Variants in HEPHL1 observed in about 807,000 individuals in gnomAD.
HEPHL1 encodes ferroxidase HEPHL1.
Under a neutral mutation model 122.0 loss-of-function variants are expected in HEPHL1, and 123 were observed. The observed-to-expected ratio is 1.01, with a 90% CI of 0.87 to 1.17. The LOEUF is 1.17. Among genes scored for constraint, HEPHL1 ranks in the 50% most tolerant of loss-of-function variants. The pLI, the probability that HEPHL1 is intolerant of heterozygous loss-of-function variation, is 0.00. For synonymous variants in HEPHL1, 527 were observed against 508.9 expected (o/e 1.04, Z -0.48); for missense variants, 1,452 against 1,430.5 (o/e 1.01, Z -0.24).
At chr11:94,023,393 C>T (rs1203514020) in intron 1 of HEPHL1, among the ~76,000 whole-genome samples, 1 of 152,174 alleles carries the variant, frequency 6.6e-6, no homozygotes, top group Admixed American at 6.5e-5. Context: ...AGTGACCAAA[C>T]AAGTTATCTG....
chr11:94,094,635 T>C (rs1946294853), intron 13 of HEPHL1, among the ~76,000 whole-genome samples: 2 of 152,222 alleles, frequency 1.3e-5, no homozygotes, highest in African/African-American at 4.8e-5. Flanking sequence ...AGTGTTCCTA[T>C]TTCTCCACAT....
chr11:94,068,233 G>C (rs1396716571), intron 5 of HEPHL1, among the ~76,000 whole-genome samples: 1 of 152,162 alleles, frequency 6.6e-6, no homozygotes, highest in African/African-American at 2.4e-5. Flanking sequence ...TTCTTTTTGA[G>C]CAACTGTAAG....
intron 1 of HEPHL1, among the ~76,000 whole-genome samples, chr11:94,044,488 A>G (rs746546335): frequency 2.3e-4 from 35 of 152,148 alleles, no homozygotes; most frequent in Middle Eastern, 3.2e-3. Flanking sequence ...CAGTGCTTCC[A>G]AGATAAATTT....
Position 94,075,344 on chromosome 11 carries a change from C to T in HEPHL1, c.1675C>T (p.Leu559=), listed in dbSNP as rs1403473275. Residue 559 remains leucine, a synonymous_variant, in exon 9 of 20, where the codon CTA becomes TTA. Transcript: ENST00000315765. Reference sequence around the variant, plus strand: ...CAGCTCTGGCCTGGTAGGGCCTTTGCTAGTCTGTAAAAAGGGCGTCCTCAA... The same window carrying T: ...CAGCTCTGGCCTGGTAGGGCCTTTGTTAGTCTGTAAAAAGGGCGTCCTCAA... The part of the protein sequence containing the change: ...DTSSGLVGPL[L]VCKKGVLNAD... The T allele has an allele frequency of 6.2e-7, 1 of 1,613,310 alleles. No individual in the cohort carries two copies. The highest frequency in any genetic ancestry group is 8.5e-7 in the Non-Finnish European group (1 of 1,179,586).
Position 94,067,532 on chromosome 11 carries a change from C to A in HEPHL1, c.845C>A (p.Pro282His). The part of the protein sequence containing the change: ...NGYLFGNFPE[P>H]DMCVGESVSW... ...TACCTCTTCGGAAACTTCCCGGAGCCTGATATGTGTGTTGGAGAATCTGTG... is the reference window on the plus strand; with the variant it reads ...TACCTCTTCGGAAACTTCCCGGAGCATGATATGTGTGTTGGAGAATCTGTG... The change falls in exon 5 of 20, where the codon CCT (proline) becomes CAT (histidine). Residue 282 changes from proline to histidine, a missense_variant. Coordinates refer to ENST00000315765, the MANE Select transcript of HEPHL1 (RefSeq NM_001098672.2). 2 of 1,613,610 alleles carry A rather than the reference C, an allele frequency of 1.2e-6. No homozygotes were observed. The highest frequency in any genetic ancestry group is 1.7e-6 in the Non-Finnish European group (2 of 1,179,656).
intron 13 of HEPHL1, among the ~76,000 whole-genome samples, chr11:94,099,833 T>C (rs1322808693): frequency 1.3e-5 from 2 of 152,226 alleles, no homozygotes; most frequent in African/African-American, 4.8e-5. Context: ...TATAATCTCC[T>C]GGTGTGCCGT....
intron 13 of HEPHL1, among the ~76,000 whole-genome samples, chr11:94,095,941 A>C (rs955244525): frequency 6.6e-6 from 1 of 152,104 alleles, no homozygotes; most frequent in Non-Finnish European, 1.5e-5. Context: ...GGGTTTTCTA[A>C]ATATACAACC....
intron 12 of HEPHL1, among the ~76,000 whole-genome samples, chr11:94,090,374 TA>T (rs1946256090): frequency 6.6e-6 from 1 of 152,186 alleles, no homozygotes; most frequent in Non-Finnish European, 1.5e-5. Flanking sequence ...CATGAATGTA[TA>T]AAAATATAGC....
chr11:94,083,080 G>A (rs1225089158), intron 10 of HEPHL1, among the ~76,000 whole-genome samples: 5 of 98,076 alleles, frequency 5.1e-5, no homozygotes, highest in Non-Finnish European at 1.0e-4. Context: ...GTGAGACTCC[G>A]TCTAAAAAAA....
At position 94,070,640 on chromosome 11, in the gene HEPHL1, G is replaced by T. The variant is rs572667011; in HGVS notation, c.1232+98G>T. ...TTTGTATTCCAACCACTGCTCTGAT[G>T]AGCTTATACTGCATAGATGGCATAA... On this transcript the variant is annotated intron_variant, in intron 6 of 19. Coordinates refer to ENST00000315765, the MANE Select transcript of HEPHL1 (RefSeq NM_001098672.2). 19 of 981,822 alleles carry T rather than the reference G, an allele frequency of 1.9e-5. 1 individual carries two copies. The East Asian group carries it at 4.7e-4, about 24-fold the overall frequency. 60.8% of individuals were successfully genotyped at this position (981,822 alleles called of 1,614,324 possible).
chr11:94,090,791 G>A (rs1380632733), intron 12 of HEPHL1, among the ~76,000 whole-genome samples: 1 of 152,144 alleles, frequency 6.6e-6, no homozygotes, highest in African/African-American at 2.4e-5. Context: ...AGCCCATCTG[G>A]TTTTTGAACC....
At chr11:94,090,851 A>G (rs1946259519) in intron 12 of HEPHL1, among the ~76,000 whole-genome samples, 1 of 152,170 alleles carries the variant, frequency 6.6e-6, no homozygotes, top group Non-Finnish European at 1.5e-5. Context: ...TGGTCAGCAC[A>G]GGCCCTCTGC....
At position 94,042,875 on chromosome 11, in the gene HEPHL1, TA is replaced by T. The variant is rs58966846; in HGVS notation, c.171-2780del. 1.1e-3 allele frequency among the ~76,000 whole-genome samples: 72 copies of T among 63,186 alleles called. 3 individuals are homozygous for T. The highest frequency in any genetic ancestry group is 8.3e-3 in the Middle Eastern group (1 of 120). The allele number at this position is 63,186 out of a possible 152,430, so 41.5% of individuals were successfully genotyped here. A position where few individuals can be genotyped will look rare whatever the true frequency, so the allele number is the denominator to read the frequency against. On this transcript the variant is annotated intron_variant, in intron 1 of 19. Coordinates refer to ENST00000315765, the MANE Select transcript of HEPHL1 (RefSeq NM_001098672.2). ...ATGTACCCTAAAACTTAAAGTATAA[TA>T]AAAAAAAAAAAAAAAAACTGCATGA...
chr11:94,106,436 G>C (rs1334722265), intron 17 of HEPHL1, among the ~76,000 whole-genome samples: 1 of 151,892 alleles, frequency 6.6e-6, no homozygotes, highest in Non-Finnish European at 1.5e-5. Context: ...GGGACTACAG[G>C]TGTGTCCCAC....
intron 17 of HEPHL1, among the ~76,000 whole-genome samples, chr11:94,110,079 C>T (rs187198904): frequency 6.6e-6 from 1 of 152,228 alleles, no homozygotes; most frequent in East Asian, 1.9e-4. Flanking sequence ...GGGATTTGTT[C>T]ATACCATCTA....
intron 6 of HEPHL1, among the ~76,000 whole-genome samples, chr11:94,071,255 T>C (rs1265821874): frequency 6.6e-6 from 1 of 152,172 alleles, no homozygotes; most frequent in Non-Finnish European, 1.5e-5. Flanking sequence ...TCAAGAATCC[T>C]TTTTTATATT....
At chr11:94,094,917 T>G (rs1410686542) in intron 13 of HEPHL1, among the ~76,000 whole-genome samples, 1 of 152,244 alleles carries the variant, frequency 6.6e-6, no homozygotes, top group Non-Finnish European at 1.5e-5. Flanking sequence ...ATGATTAGAT[T>G]GCAAAAATAT....
chr11:94,042,883 A>AAAAAAAAACAAAC, intron 1 of HEPHL1, among the ~76,000 whole-genome samples: 1 of 132,414 alleles, frequency 7.6e-6, no homozygotes, highest in South Asian at 2.5e-4. Flanking sequence ...AATAAAAAAA[A>AAAAAAAAACAAAC]AAAAAAAAAA....
intron 2 of HEPHL1, among the ~76,000 whole-genome samples, chr11:94,054,221 T>G (rs1237158546): frequency 6.6e-6 from 1 of 152,182 alleles, no homozygotes; most frequent in Non-Finnish European, 1.5e-5. Flanking sequence ...GATGTACACA[T>G]CTTTGGCAGG....
Sources: allele counts gnomAD v4.1 joint callset (sites outside exome capture counted in the v4.1 genomes callset), GRCh38; gene constraint gnomAD v4.1.1; transcripts MANE v1.5; gene names NCBI Gene and HGNC (gene_info 2026-07-23, HGNC 2026-07-21).